ANO4: variants seen among roughly 807,000 people sequenced by gnomAD.
ANO4 encodes anoctamin-4.
Under a neutral mutation model 141.9 loss-of-function variants are expected in ANO4, and 69 were observed. That is an observed-to-expected ratio of 0.49 (90% CI 0.40 to 0.59). ANO4 has a LOEUF of 0.59. Ranked by LOEUF, ANO4 falls within the 20% of genes least tolerant of loss-of-function variation. The pLI is 0.00. For synonymous variants in ANO4, 350 were observed against 394.3 expected (o/e 0.89, Z 1.33); for missense variants, 894 against 1,162.2 (o/e 0.77, Z 3.36).
At chr12:101,069,553 GC>G (rs1478839271) in intron 14 of ANO4, among the ~76,000 whole-genome samples, 1 of 152,198 alleles carries the variant, frequency 6.6e-6, no homozygotes, top group African/African-American at 2.4e-5. Flanking sequence ...ACAAGTAGAA[GC>G]AATCATCTGG....
intron 1 of ANO4, among the ~76,000 whole-genome samples, chr12:100,820,788 A>AT (rs1306794950): frequency 6.6e-6 from 1 of 151,972 alleles, no homozygotes; most frequent in Non-Finnish European, 1.5e-5. Flanking sequence ...AATGTTAATC[A>AT]TTTTTTCATG....
chr12:100,859,146 A>C (rs1421352150), intron 1 of ANO4: 1 of 152,180 alleles, frequency 6.6e-6, no homozygotes, highest in East Asian at 1.9e-4. Flanking sequence ...ATAGTACAGT[A>C]TCGTTCCGTG....
intron 5 of ANO4, among the ~76,000 whole-genome samples, chr12:100,958,134 C>G (rs958754697): frequency 3.9e-5 from 6 of 152,218 alleles, no homozygotes; most frequent in East Asian, 1.9e-4. Flanking sequence ...ATTTGCCGGG[C>G]AAAGCCCCGA....
intron 1 of ANO4, among the ~76,000 whole-genome samples, chr12:100,862,024 A>G (rs1192437619): frequency 6.6e-6 from 1 of 152,150 alleles, no homozygotes; most frequent in Non-Finnish European, 1.5e-5. Flanking sequence ...CTTCTGGAAT[A>G]CTTCTTGAAG....
At chr12:101,030,575 A>C (rs2046934142) in intron 9 of ANO4, among the ~76,000 whole-genome samples, 1 of 152,204 alleles carries the variant, frequency 6.6e-6, no homozygotes, top group African/African-American at 2.4e-5. Context: ...AGAGCTAGAG[A>C]GGCAAGAGCA....
chr12:100,838,720 G>C (rs1035413767), intron 1 of ANO4, among the ~76,000 whole-genome samples: 8 of 152,194 alleles, frequency 5.3e-5, no homozygotes, highest in Non-Finnish European at 8.8e-5. Flanking sequence ...CGATGTTTTA[G>C]CCATGGGAAA....
At chr12:100,951,099 A>G (rs527834322) in intron 5 of ANO4, among the ~76,000 whole-genome samples, 1 of 152,324 alleles carries the variant, frequency 6.6e-6, no homozygotes, top group South Asian at 2.1e-4. Flanking sequence ...ATCACTAATC[A>G]TTAGAGAAAT....
chr12:100,943,042 A>G (rs2136180595), intron 5 of ANO4, among the ~76,000 whole-genome samples: 1 of 152,280 alleles, frequency 6.6e-6, no homozygotes, highest in Admixed American at 6.5e-5. Flanking sequence ...TATTTTTTTC[A>G]GGTCCCCAAG....
intron 17 of ANO4, 124 bp from the exon 18 acceptor site, chr12:101,094,132 G>C (rs2049885279): frequency 1.4e-6 from 1 of 705,498 alleles, no homozygotes; most frequent in Admixed American, 2.5e-5. Context: ...TGTTTTCATT[G>C]GTTGAGCAAT....
intron 1 of ANO4, among the ~76,000 whole-genome samples, chr12:100,827,523 T>C (rs1177532503): frequency 6.6e-6 from 1 of 152,022 alleles, no homozygotes; most frequent in Non-Finnish European, 1.5e-5. Context: ...TTTTTTCTGT[T>C]TTGTCTACTG....
intron 1 of ANO4, among the ~76,000 whole-genome samples, chr12:100,848,320 T>G (rs10860647): frequency 0.42 from 63,185 of 151,868 alleles, 13,302 homozygotes; most frequent in Admixed American, 0.49. Flanking sequence ...TTGTTTCATT[T>G]CTAGTCACTA....
chr12:100,809,959 T>G (rs1325331773), intron 1 of ANO4, among the ~76,000 whole-genome samples: 1 of 152,094 alleles, frequency 6.6e-6, no homozygotes, highest in Non-Finnish European at 1.5e-5. Context: ...TTTATTAGAA[T>G]CACCTGTATG....
At chr12:100,889,557 C>T (rs1284324228) in intron 1 of ANO4, among the ~76,000 whole-genome samples, 1 of 152,168 alleles carries the variant, frequency 6.6e-6, no homozygotes, top group Non-Finnish European at 1.5e-5. Context: ...AAAAAAACAA[C>T]CCCCTCGAAT....
chr12:100,863,026 T>C (rs1293027496), intron 1 of ANO4, among the ~76,000 whole-genome samples: 1 of 152,074 alleles, frequency 6.6e-6, no homozygotes, highest in Non-Finnish European at 1.5e-5. Flanking sequence ...GCTGAAACCT[T>C]AAGGAAGTGA....
chr12:100,810,957 G>T (rs1002218015), intron 1 of ANO4, among the ~76,000 whole-genome samples: 1 of 152,164 alleles, frequency 6.6e-6, no homozygotes, highest in Non-Finnish European at 1.5e-5. Context: ...CTGGGAGGAT[G>T]TATTAAATAG....
intron 11 of ANO4, among the ~76,000 whole-genome samples, chr12:101,041,907 T>C (rs753056272): frequency 6.6e-6 from 1 of 152,156 alleles, no homozygotes; most frequent in African/African-American, 2.4e-5. Flanking sequence ...TTGTGGAGCA[T>C]CTAGGGAATG....
At chr12:100,941,128 C>T (rs968024678) in intron 4 of ANO4, among the ~76,000 whole-genome samples, 1 of 149,546 alleles carries the variant, frequency 6.7e-6, no homozygotes, top group Admixed American at 6.6e-5. Flanking sequence ...AAAGGGTAAA[C>T]AATTGTTTTG....
At chr12:100,906,713 G>T (rs1441129235) in intron 2 of ANO4, among the ~76,000 whole-genome samples, 3 of 152,110 alleles carry the variant, frequency 2.0e-5, no homozygotes, top group African/African-American at 4.8e-5. Context: ...TAGCAGGAGA[G>T]TACAAAGATA....
chr12:100,992,116 A>G (rs1425159186), intron 8 of ANO4, among the ~76,000 whole-genome samples: 1 of 152,238 alleles, frequency 6.6e-6, no homozygotes, highest in Non-Finnish European at 1.5e-5. Flanking sequence ...CTTGAAATTC[A>G]GAAATAATAT....
Sources: allele counts gnomAD v4.1 joint callset (sites outside exome capture counted in the v4.1 genomes callset), GRCh38; gene constraint gnomAD v4.1.1; transcripts MANE v1.5; gene names NCBI Gene and HGNC (gene_info 2026-07-23, HGNC 2026-07-21).